Variants in KLRG1 observed in about 807,000 individuals in gnomAD.
The protein encoded by KLRG1 is killer cell lectin like receptor G1.
A neutral mutation model predicts 21.8 loss-of-function variants in KLRG1; 16 were observed. The observed-to-expected ratio is 0.73, with a 90% CI of 0.50 to 1.11. The LOEUF (loss-of-function observed/expected upper bound fraction) is 1.11. Among genes scored for constraint, KLRG1 ranks in the 50% most tolerant of loss-of-function variants. The pLI is 0.00. For missense variants in KLRG1, 173 were observed against 218.3 expected (o/e 0.79, Z 1.31); for synonymous variants, 69 against 75.9 (o/e 0.91, Z 0.47).
the KLRG1 span, among the ~76,000 whole-genome samples, chr12:9,087,734 C>A: frequency 1.3e-5 from 2 of 152,046 alleles, no homozygotes; most frequent in African/African-American, 4.8e-5. Flanking sequence ...CATAACATCA[C>A]TTTGTATGCT....
chr12:9,037,533 A>T, the KLRG1 span, among the ~76,000 whole-genome samples: 17 of 152,312 alleles, frequency 1.1e-4, no homozygotes, highest in Non-Finnish European at 1.6e-4. Flanking sequence ...AAAATTTTTT[A>T]AAATGAATTT....
the KLRG1 span, among the ~76,000 whole-genome samples, chr12:9,049,043 A>T: frequency 1.3e-5 from 2 of 152,234 alleles, no homozygotes; most frequent in African/African-American, 4.8e-5. Flanking sequence ...TAAGAGACAG[A>T]AGTTTATGCT....
chr12:8,997,003 G>A (rs1947151426), intron 3 of KLRG1, among the ~76,000 whole-genome samples: 1 of 152,164 alleles, frequency 6.6e-6, no homozygotes, highest in African/African-American at 2.4e-5. Flanking sequence ...TGAGAGGTGA[G>A]GAGGGAAAGG....
At chr12:8,951,415 G>A (rs1211975152) in intron 1 of KLRG1, among the ~76,000 whole-genome samples, 1 of 152,182 alleles carries the variant, frequency 6.6e-6, no homozygotes, top group East Asian at 1.9e-4. Context: ...GCTGCAGTGA[G>A]CTATGGTCTT....
At chr12:9,056,743 G>A in the KLRG1 span, among the ~76,000 whole-genome samples, 2 of 152,020 alleles carry the variant, frequency 1.3e-5, no homozygotes, top group African/African-American at 4.8e-5. Flanking sequence ...TGTAGAGATG[G>A]GCTCTCACTT....
At chr12:9,169,889 G>C in the KLRG1 span, 145,391 of 210,738 alleles carry the variant, frequency 0.69, 50,764 homozygotes, top group East Asian at 0.87. Flanking sequence ...GAAAGAAGAC[G>C]TAACTTGCAT....
At chr12:9,101,472 AG>A in the KLRG1 span, 1 of 1,613,828 alleles carries the variant, frequency 6.2e-7, no homozygotes, top group Non-Finnish European at 8.5e-7. Context: ...GAGCTTCTTC[AG>A]CCCCAGCAGG....
chr12:9,185,957 A>ATG, the KLRG1 span, among the ~76,000 whole-genome samples: 1 of 151,658 alleles, frequency 6.6e-6, no homozygotes, highest in East Asian at 1.9e-4. Flanking sequence ...ACAGGCGTGC[A>ATG]CCATCACACC....
the KLRG1 span, chr12:9,200,458 G>T: frequency 6.3e-7 from 1 of 1,575,644 alleles, no homozygotes; most frequent in Admixed American, 1.7e-5. Context: ...ACTGTTAATA[G>T]AGATAATAGG....
At chr12:9,192,726 TGC>T in the KLRG1 span, 1 of 1,610,074 alleles carries the variant, frequency 6.2e-7, no homozygotes, top group Admixed American at 1.7e-5. Context: ...CAAGTTGGGA[TGC>T]ACAGTGAAAA....
At chr12:9,070,764 C>A in the KLRG1 span, among the ~76,000 whole-genome samples, 2 of 152,100 alleles carry the variant, frequency 1.3e-5, no homozygotes, top group Non-Finnish European at 2.9e-5. Context: ...GCCACAGAGA[C>A]CAGGCCCTAC....
the KLRG1 span, among the ~76,000 whole-genome samples, chr12:9,190,941 G>T: frequency 6.6e-6 from 1 of 152,086 alleles, no homozygotes; most frequent in Non-Finnish European, 1.5e-5. Context: ...AAGTGCTTTT[G>T]ATAATTCTTT....
At chr12:9,109,693 G>T in the KLRG1 span, among the ~76,000 whole-genome samples, 44,233 of 152,072 alleles carry the variant, frequency 0.29, 7,141 homozygotes, top group Non-Finnish European at 0.35. Context: ...GAAGCTATGT[G>T]AAGTCCTATT....
At chr12:8,988,994 TA>T (rs956846701), upstream of KLRG1, among the ~76,000 whole-genome samples, 126 of 151,978 alleles carry the variant, frequency 8.3e-4, no homozygotes, top group African/African-American at 2.9e-3. Flanking sequence ...AGTATAATAA[TA>T]AAAAAAATAA....
At chr12:9,194,007 C>T in the KLRG1 span, 1 of 1,389,566 alleles carries the variant, frequency 7.2e-7, no homozygotes. Context: ...GCAATCTGTA[C>T]ATTTCTTCTG....
chr12:9,120,949 T>C, the KLRG1 span, among the ~76,000 whole-genome samples: 1 of 151,124 alleles, frequency 6.6e-6, no homozygotes, highest in Non-Finnish European at 1.5e-5. Context: ...GGTTAGATCA[T>C]AGCTCAGTGC....
intron 3 of KLRG1, among the ~76,000 whole-genome samples, chr12:8,999,830 G>A (rs1444126418): frequency 6.6e-6 from 1 of 152,156 alleles, no homozygotes; most frequent in Admixed American, 6.5e-5. Flanking sequence ...TTTGAGGTCA[G>A]AAGTTCAAGA....
the KLRG1 span, among the ~76,000 whole-genome samples, chr12:9,210,310 C>G: frequency 6.6e-6 from 1 of 152,118 alleles, no homozygotes; most frequent in African/African-American, 2.4e-5. Context: ...CACATCTTTT[C>G]ATATGTTTAT....
the KLRG1 span, chr12:9,181,925 C>A: frequency 6.3e-7 from 1 of 1,581,888 alleles, no homozygotes; most frequent in East Asian, 2.2e-5. Flanking sequence ...TAGATGGCAC[C>A]TACAGTATCA....
Sources: gnomAD v4.1 joint callset for allele counts (sites outside exome capture counted in the v4.1 genomes callset) on GRCh38, gnomAD v4.1.1 for gene constraint, MANE v1.5 for transcripts, NCBI Gene and HGNC (gene_info 2026-07-23, HGNC 2026-07-21) for gene names.